Variants in VCL observed in about 807,000 individuals in gnomAD.
VCL encodes vinculin.
A neutral mutation model predicts 125.7 loss-of-function variants in VCL; 47 were observed. That is an observed-to-expected ratio of 0.37 (90% confidence interval 0.30 to 0.48). The LOEUF (loss-of-function observed/expected upper bound fraction) is 0.48. Among genes scored for constraint, VCL ranks in the 20% least tolerant of loss-of-function variants. The pLI is 0.99. For missense variants in VCL, 1,069 were observed against 1,455.5 expected (o/e 0.73, Z 4.32); for synonymous variants, 458 against 514.6 (o/e 0.89, Z 1.49).
rs1591712040 is a variant in VCL, at chr10:74,103,685, T to C, written c.2023-135T>C. The stretch of plus-strand genomic sequence containing the variant: ...GTTTATTGAGACCAAACCTCATGTA[T>C]TCAGCCTGAAAAGAGACTTGCCACT... On this transcript the variant is annotated intron_variant, in intron 14 of 21. Coordinates refer to ENST00000211998, the MANE Select transcript of VCL (RefSeq NM_014000.3). The C allele has an allele frequency of 1.0e-5, 8 of 800,740 alleles. No homozygotes were observed. The South Asian group carries it at 1.1e-4, about 11-fold the overall frequency. 49.6% of individuals were successfully genotyped at this position (800,740 alleles called of 1,614,324 possible).
intron 2 of VCL, among the ~76,000 whole-genome samples, chr10:74,067,773 C>G (rs1170523084): frequency 6.6e-6 from 1 of 152,146 alleles, no homozygotes; most frequent in Non-Finnish European, 1.5e-5. Context: ...TATGATGTTT[C>G]CACAATAGGC....
chr10:74,074,964 A>C, intron 6 of VCL, 61 bp downstream of exon 6: 1 of 1,601,710 alleles, frequency 6.2e-7, no homozygotes, highest in East Asian at 2.2e-5. Flanking sequence ...GGGGGTTTTG[A>C]TTGGCACCTG....
chr10:74,021,741 A>C (rs559965590), intron 1 of VCL, among the ~76,000 whole-genome samples: 1 of 152,364 alleles, frequency 6.6e-6, no homozygotes, highest in East Asian at 1.9e-4. Context: ...ATAGCACTAG[A>C]GAATGAGAAT....
rs535229653 is a variant in VCL, at chr10:74,076,941, C to T, written c.783+2038C>T. ...CATTTAGTGAATAAATGTTATTGAA[C>T]TTTATTTTGTGCAAGTGCCATCAAG... On this transcript the variant is annotated intron_variant, in intron 6 of 21. Coordinates refer to ENST00000211998, the MANE Select transcript of VCL (RefSeq NM_014000.3). 343 of 152,664 alleles carry T rather than the reference C, an allele frequency of 2.2e-3. 16 individuals are homozygous for T. Among genetic ancestry groups the T allele is most frequent in the Non-Finnish European group, 1.4e-3 (95 of 68,024 alleles). 9.5% of individuals were successfully genotyped at this position (152,664 alleles called of 1,614,324 possible).
chr10:74,093,897 C>A (rs766977756), intron 10 of VCL, among the ~76,000 whole-genome samples: 6 of 152,194 alleles, frequency 3.9e-5, no homozygotes, highest in Non-Finnish European at 7.3e-5. Flanking sequence ...TTGACTATAA[C>A]TGTTTCAGCT....
chr10:74,050,487 CT>C (rs1342918459), intron 2 of VCL, among the ~76,000 whole-genome samples: 1 of 152,092 alleles, frequency 6.6e-6, no homozygotes, highest in African/African-American at 2.4e-5. Context: ...TTAAAATATG[CT>C]TTATACTTAA....
intron 16 of VCL, among the ~76,000 whole-genome samples, chr10:74,105,940 G>T (rs1591713935): frequency 8.1e-6 from 1 of 123,670 alleles, no homozygotes; most frequent in African/African-American, 3.6e-5. Flanking sequence ...TTTTTGAGAC[G>T]GAGTTTTGCT....
At chr10:74,085,777 C>T (rs777451282) in intron 8 of VCL, among the ~76,000 whole-genome samples, 27 of 152,158 alleles carry the variant, frequency 1.8e-4, no homozygotes, top group Admixed American at 3.9e-4. Flanking sequence ...CAGAAACACT[C>T]CTCTACATGC....
At position 74,089,223 on chromosome 10, in the gene VCL, G is replaced by A. The variant is rs771542436; in HGVS notation, c.1050G>A (p.Met350Ile). The change falls in exon 9 of 22, where the codon ATG becomes ATA. Residue 350 changes from methionine (M) to isoleucine (I), a missense_variant. Met to Ile is a conservative substitution (Grantham distance 10). Around this residue, in one of 6 missense-constraint regions of VCL, gnomAD observed 760 missense variants for 928.9 expected, o/e 0.82. Coordinates refer to ENST00000211998, the MANE Select transcript of VCL (RefSeq NM_014000.3). The stretch of plus-strand genomic sequence containing the variant: ...GACAAGGATCCTCACCGGTGGCCAT[G>A]CAGAAAGCTCAGCAGGTATCTCAGG... ...ARGQGSSPVAMQKAQQVSQGL... is the reference protein window; with the variant it reads ...ARGQGSSPVAIQKAQQVSQGL... The A allele has an allele frequency of 1.8e-5, 29 of 1,614,000 alleles. No homozygotes were observed. The Admixed American group carries it at 4.7e-4, about 26-fold the overall frequency.
chr10:74,016,246 C>T (rs778532449), intron 1 of VCL, among the ~76,000 whole-genome samples: 2 of 151,984 alleles, frequency 1.3e-5, no homozygotes, highest in African/African-American at 2.4e-5. Context: ...TCTTGTTGTT[C>T]GTGTTGTTTT....
chr10:74,040,291 A>G (rs1841070659), intron 1 of VCL, among the ~76,000 whole-genome samples: 2 of 152,060 alleles, frequency 1.3e-5, no homozygotes. Context: ...CATCTCTACT[A>G]CCTAAACAGT....
At chr10:74,001,953 T>C (rs1840233301) in intron 1 of VCL, among the ~76,000 whole-genome samples, 1 of 152,230 alleles carries the variant, frequency 6.6e-6, no homozygotes, top group South Asian at 2.1e-4. Context: ...TCATTTACTG[T>C]TCTTGAGCCT....
At chr10:74,104,680 T>C (rs1375604016) in intron 15 of VCL, among the ~76,000 whole-genome samples, 2 of 152,024 alleles carry the variant, frequency 1.3e-5, no homozygotes, top group Non-Finnish European at 2.9e-5. Flanking sequence ...AACAGATGGC[T>C]GGGGAGTGAG....
chr10:74,043,227 A>G (rs1841128810), intron 2 of VCL, 74 bp downstream of exon 2: 2 of 1,349,824 alleles, frequency 1.5e-6, no homozygotes, highest in Admixed American at 3.6e-5. Flanking sequence ...AGCTGATTTC[A>G]GTAACAACTT....
Position 74,095,636 on chromosome 10 carries a change from T to C in VCL, c.1544-20T>C, listed in dbSNP as rs532868901. The C allele has an allele frequency of 5.0e-6, 8 of 1,613,200 alleles. No individual in the cohort carries two copies. The African/African-American group carries it at 8.0e-5, about 16-fold the overall frequency. ...TCTCCTCTGGGTCTTGTAAGTTTCA[T>C]TGTTTTTCTCTTGGTCCAGGTCAGG... is the stretch of plus-strand genomic sequence containing the variant. On this transcript the variant is annotated intron_variant, in intron 11 of 21. Coordinates refer to ENST00000211998, the MANE Select transcript of VCL (RefSeq NM_014000.3).
chr10:74,035,119 A>T (rs535410737), intron 1 of VCL, among the ~76,000 whole-genome samples: 1 of 152,224 alleles, frequency 6.6e-6, no homozygotes, highest in Non-Finnish European at 1.5e-5. Flanking sequence ...TACATTGTAC[A>T]AATAAGTAAC....
rs1158613697 is a variant in VCL, at chr10:74,032,263, AAAAG to A, written c.169-10819_169-10816del. Among the ~76,000 whole-genome samples the A allele has an allele frequency of 7.3e-5, 11 of 150,870 alleles. No homozygotes were observed. In the East Asian group the frequency reaches 2.1e-3, roughly 29 times the overall value. On this transcript the variant is annotated intron_variant, in intron 1 of 21. Coordinates refer to ENST00000211998, the MANE Select transcript of VCL (RefSeq NM_014000.3). ...AATAAAAAAAAAAAAAAAAAAAAGA[AAAAG>A]GAAAAGACAAGCTATATTTTAGTCT...
At chr10:74,062,976 A>T (rs1429607911) in intron 2 of VCL, among the ~76,000 whole-genome samples, 7 of 152,154 alleles carry the variant, frequency 4.6e-5, no homozygotes, top group Admixed American at 4.6e-4. Flanking sequence ...AGGCTGAGGC[A>T]CAAGAATCCT....
At chr10:74,024,688 G>A (rs1336723306) in intron 1 of VCL, among the ~76,000 whole-genome samples, 2 of 152,112 alleles carry the variant, frequency 1.3e-5, no homozygotes, top group African/African-American at 4.8e-5. Flanking sequence ...AAAATGGGGG[G>A]TCTACAGTGT....
Sources: gnomAD v4.1 joint callset for allele counts (sites outside exome capture counted in the v4.1 genomes callset) on GRCh38, gnomAD v4.1.1 for gene constraint, gnomAD v4.1.1 regional missense constraint, MANE v1.5 for transcripts, NCBI Gene and HGNC (gene_info 2026-07-23, HGNC 2026-07-21) for gene names.